Variants in PRKAG3 observed in about 807,000 individuals in gnomAD.
The protein encoded by PRKAG3 is 5'-AMP-activated protein kinase subunit gamma-3.
In PRKAG3, 39 loss-of-function variants were observed where a neutral mutation model predicts 56.5. The ratio of observed to expected loss-of-function variants is 0.69; its 90% CI spans 0.53 to 0.90. PRKAG3 has a LOEUF of 0.90. Among genes scored for constraint, PRKAG3 ranks in the 40% least tolerant of loss-of-function variants. The pLI, the probability that PRKAG3 is intolerant of heterozygous loss-of-function variation, is 0.00. For synonymous variants in PRKAG3, 243 were observed against 250.1 expected (o/e 0.97, Z 0.27); for missense variants, 628 against 627.5 (o/e 1.00, Z -0.01).
chr2:218,830,489 G>A (rs1944004545), intron 3 of PRKAG3, 108 bp from the exon 4 acceptor site: 1 of 1,414,512 alleles, frequency 7.1e-7, no homozygotes. Context: ...TGGATGCTGT[G>A]GCCCTATTTG....
rs886271693 is a variant in PRKAG3, at chr2:218,826,923, G to C, written c.1168+5C>G. 7.4e-6 allele frequency: 12 copies of C among 1,613,836 alleles called. No homozygotes were observed. The highest frequency in any genetic ancestry group is 1.0e-5 in the Non-Finnish European group (12 of 1,180,034). On this transcript the variant is annotated splice_donor_5th_base_variant and intron_variant, in intron 10 of 12. Transcript: ENST00000529249. ...GCCCGAGCCTCTCATCCTGGGGGTG[G>C]GTACCACATTCGTTGACCACAGGCA...
chr2:218,828,462 T>A (rs1943969851), intron 5 of PRKAG3, 57 bp downstream of exon 5: 1 of 1,505,066 alleles, frequency 6.6e-7, no homozygotes, highest in Non-Finnish European at 9.1e-7. Context: ...AGAACAACCG[T>A]ACAAGATCTC....
At position 218,830,735 on chromosome 2, in the gene PRKAG3, C is replaced by T; in HGVS notation, c.229+11G>A. The T allele has an allele frequency of 1.2e-6, 2 of 1,611,844 alleles. No homozygotes were observed. Among genetic ancestry groups the T allele is most frequent in the Non-Finnish European group, 1.7e-6 (2 of 1,179,762 alleles). On this transcript the variant is annotated intron_variant, in intron 3 of 12. Transcript: ENST00000529249. ...TGGCTCCCACCTCCCCAGAACTGGC[C>T]TTGGCCTCACCTTCCCCCTGACCTG...
In PRKAG3 at chr2:218,828,094, G is replaced by A. The variant is rs763677589; in HGVS notation, c.716-32C>T. On this transcript the variant is annotated intron_variant, in intron 5 of 12. Coordinates refer to ENST00000529249, the Ensembl canonical transcript of PRKAG3. Reference sequence around the variant, plus strand: ...GGAGGGGCGGGGAGGAGGTCAGCCCGGGGCCTTTGGGTGGAAGGCAGGTTG... The same window carrying A: ...GGAGGGGCGGGGAGGAGGTCAGCCCAGGGCCTTTGGGTGGAAGGCAGGTTG... The A allele has an allele frequency of 1.5e-5, 23 of 1,539,844 alleles. No individual in the cohort carries two copies. In the African/African-American group the frequency reaches 1.6e-4, roughly 11 times the overall value.
At chr2:218,828,787 G>A (rs759093056) in intron 4 of PRKAG3, among the ~76,000 whole-genome samples, 187 bp from the exon 5 acceptor site, 1 of 152,078 alleles carries the variant, frequency 6.6e-6, no homozygotes, top group African/African-American at 2.4e-5. Flanking sequence ...CACAGTACAC[G>A]CTAGACATGA....
chr2:218,825,635 G>A (rs1943921025), intron 10 of PRKAG3, among the ~76,000 whole-genome samples: 1 of 152,056 alleles, frequency 6.6e-6, no homozygotes, highest in Non-Finnish European at 1.5e-5. Flanking sequence ...GTGACAGAGG[G>A]AGACTCCATC....
intron 4 of PRKAG3, among the ~76,000 whole-genome samples, chr2:218,828,958 T>C (rs1232794711): frequency 6.6e-6 from 1 of 152,236 alleles, no homozygotes; most frequent in Non-Finnish European, 1.5e-5. Flanking sequence ...ACCGGAGGCA[T>C]AGTTATTTAC....
intron 10 of PRKAG3, chr2:218,826,589 C>A: frequency 2.8e-6 from 1 of 361,046 alleles, no homozygotes; most frequent in South Asian, 2.2e-5. Context: ...GCATTACAGC[C>A]ATGCACCACG....
In PRKAG3 at chr2:218,827,816, T is replaced by C. The variant is rs778503237; in HGVS notation, c.820+17A>G. The stretch of plus-strand genomic sequence containing the variant: ...ACCATCACCAACAGCCCTTTCCGGG[T>C]TCCTCTCCCCACTCACCCCTCCAGG... On this transcript the variant is annotated intron_variant, in intron 7 of 12. Coordinates refer to ENST00000529249, the Ensembl canonical transcript of PRKAG3. This position sits in a 1 kb window ranked among gnomAD's most constrained non-coding sequence, Gnocchi z 5.3. 4 of 1,612,650 alleles carry C rather than the reference T, an allele frequency of 2.5e-6. No individual in the cohort carries two copies. The South Asian group carries it at 4.4e-5, about 18-fold the overall frequency.
chr2:218,830,356 C>T (rs1169269370), exon 4 of PRKAG3: 22 of 1,608,824 alleles, frequency 1.4e-5, no homozygotes, highest in Non-Finnish European at 1.9e-5. Context: ...GCCCGGTGGA[C>T]TCAGCAGCTG....
exon 13 of PRKAG3, chr2:218,823,714 T>G: frequency 6.2e-7 from 1 of 1,612,362 alleles, no homozygotes; most frequent in Non-Finnish European, 8.5e-7. Context: ...GTTCCCTTCA[T>G]TGGCTTCCAG....
chr2:218,828,634 C>T (rs770940027), intron 4 of PRKAG3, 34 bp from the exon 5 acceptor site: 9 of 1,575,626 alleles, frequency 5.7e-6, no homozygotes, highest in East Asian at 4.6e-5. Context: ...AAGGGTGGGT[C>T]CCGAGAGACC....
chr2:218,830,246 G>A (rs997240769), exon 4 of PRKAG3: 2 of 1,614,060 alleles, frequency 1.2e-6, no homozygotes, highest in Non-Finnish European at 1.7e-6. Context: ...AGCTGAGGCT[G>A]TACAGTCAGA....
chr2:218,826,570 A>C (rs1943935292), intron 10 of PRKAG3: 1 of 340,920 alleles, frequency 2.9e-6, no homozygotes, highest in Non-Finnish European at 5.8e-6. Flanking sequence ...GGCCTCTCTC[A>C]AAGGGCTGGC....
At chr2:218,829,692 T>C (rs910285549) in intron 4 of PRKAG3, among the ~76,000 whole-genome samples, 18 of 152,134 alleles carry the variant, frequency 1.2e-4, no homozygotes, top group Admixed American at 6.6e-5. Context: ...CTCTGAACTA[T>C]GTAGGGTGCA....
rs756706467 is a variant in PRKAG3 at position 218,828,507 on chromosome 2, GCCTCTCCTCAC to G, written c.715+1_715+11del. The G allele has an allele frequency of 6.2e-7, 1 of 1,610,466 alleles. No individual in the cohort carries two copies. Among genetic ancestry groups the G allele is most frequent in the Non-Finnish European group, 8.5e-7 (1 of 1,177,898 alleles). Reference sequence around the variant, plus strand: ...TCCTCCATCTCCCTTCACCTCCCCAGCCTCTCCTCACCCACAAAGCTCTGCTTCTTGCTGTC... The same window carrying G: ...TCCTCCATCTCCCTTCACCTCCCCAGCCACAAAGCTCTGCTTCTTGCTGTC... On this transcript the variant is annotated splice_donor_variant and splice_donor_5th_base_variant and intron_variant, in intron 5 of 12. Coordinates refer to ENST00000529249, the Ensembl canonical transcript of PRKAG3. LOFTEE classifies it high-confidence loss of function.
At chr2:218,824,246 C>T (rs1341206721) in exon 12 of PRKAG3, 2 of 1,614,048 alleles carry the variant, frequency 1.2e-6, no homozygotes, top group Non-Finnish European at 1.7e-6. Flanking sequence ...TCCTGTCGAT[C>T]ACTTCCCCCA....
Position 218,831,729 on chromosome 2 carries a change from C to A in PRKAG3, c.33+9G>T. 1 of 1,610,392 alleles carries A rather than the reference C, an allele frequency of 6.2e-7. No individual in the cohort carries two copies. On this transcript the variant is annotated intron_variant, in intron 1 of 12. Coordinates refer to ENST00000529249, the Ensembl canonical transcript of PRKAG3. ...TGCCCCGGCTCCGGCTCCCCTGGGA[C>A]CCCCATACCCTGCGCAGTGCGTGCT... is the stretch of plus-strand genomic sequence containing the variant.
At chr2:218,829,655 C>A (rs1366599870) in intron 4 of PRKAG3, among the ~76,000 whole-genome samples, 1 of 152,090 alleles carries the variant, frequency 6.6e-6, no homozygotes, top group Non-Finnish European at 1.5e-5. Context: ...ACTTTGTTCA[C>A]GCTTTATACT....
Sources: gnomAD v4.1 joint callset for allele counts (sites outside exome capture counted in the v4.1 genomes callset) on GRCh38, gnomAD v4.1.1 for gene constraint, Gnocchi (gnomAD v3.1) non-coding constraint, MANE v1.5 for transcripts, NCBI Gene and HGNC (gene_info 2026-07-23, HGNC 2026-07-21) for gene names.